Variants in MAN1C1 observed in about 807,000 individuals in gnomAD.
MAN1C1 encodes the protein mannosidase alpha class 1C member 1.
In MAN1C1, 49 loss-of-function variants were observed where a neutral mutation model predicts 71.5. That is an observed-to-expected ratio of 0.69 (90% confidence interval 0.54 to 0.87). The LOEUF (loss-of-function observed/expected upper bound fraction) is 0.87. Among genes scored for constraint, MAN1C1 ranks in the 40% least tolerant of loss-of-function variants. The pLI is 0.00. For synonymous variants in MAN1C1, 352 were observed against 343.7 expected (o/e 1.02, Z -0.27); for missense variants, 743 against 835.0 (o/e 0.89, Z 1.36).
At chr1:25,673,134 AGAG>A (rs750193403) in intron 1 of MAN1C1, among the ~76,000 whole-genome samples, 23 of 152,274 alleles carry the variant, frequency 1.5e-4, no homozygotes, top group Admixed American at 8.5e-4. Context: ...AGGAGACTTG[AGAG>A]GACTTGGTTT....
intron 1 of MAN1C1, among the ~76,000 whole-genome samples, chr1:25,660,307 A>G (rs1472522953): frequency 6.6e-6 from 1 of 151,770 alleles, no homozygotes; most frequent in African/African-American, 2.4e-5. Flanking sequence ...AGGCTGAAGC[A>G]GGAGAATCAC....
rs1482344042 is a variant in MAN1C1, at chr1:25,769,438, T to C, written c.1142-2219T>C. ...TGTAAAGCAGTGGGACTTTCACATGTGAGATGCCCACATAAGTGCCCCTGA... is the reference window on the plus strand; with the variant it reads ...TGTAAAGCAGTGGGACTTTCACATGCGAGATGCCCACATAAGTGCCCCTGA... On this transcript the variant is annotated intron_variant, in intron 7 of 11. Coordinates refer to ENST00000374332, the MANE Select transcript of MAN1C1 (RefSeq NM_020379.4). The surrounding 1 kb of genome is among the most constrained non-coding windows in gnomAD (Gnocchi z 4.8). Among the ~76,000 whole-genome samples the C allele has an allele frequency of 6.6e-6, 1 of 152,020 alleles. No individual in the cohort carries two copies. The highest frequency in any genetic ancestry group is 1.5e-5 in the Non-Finnish European group (1 of 67,992).
chr1:25,752,782 TG>T (rs2047233854), intron 4 of MAN1C1, among the ~76,000 whole-genome samples: 2 of 152,292 alleles, frequency 1.3e-5, no homozygotes, highest in Admixed American at 1.3e-4. Context: ...GTCCTGTGGG[TG>T]GTTGAGGATA....
At position 25,730,486 on chromosome 1, in the gene MAN1C1, C is replaced by T. The variant is rs1180948809; in HGVS notation, c.638-16182C>T. On this transcript the variant is annotated intron_variant, in intron 2 of 11. Coordinates refer to ENST00000374332, the MANE Select transcript of MAN1C1 (RefSeq NM_020379.4). The surrounding 1 kb of genome is among the most constrained non-coding windows in gnomAD (Gnocchi z 4.3). ...ATACTAGGGGCTTTAATTGTTCAGTCACATGAGGGTGGTGCCTCCTGAGTT... is the reference window on the plus strand; with the variant it reads ...ATACTAGGGGCTTTAATTGTTCAGTTACATGAGGGTGGTGCCTCCTGAGTT... Among the ~76,000 whole-genome samples, 1 of 151,942 alleles carries T rather than the reference C, an allele frequency of 6.6e-6. No individual in the cohort carries two copies. The highest frequency in any genetic ancestry group is 1.9e-4 in the East Asian group (1 of 5,184).
intron 1 of MAN1C1, among the ~76,000 whole-genome samples, chr1:25,681,782 T>C (rs1373328966): frequency 1.3e-5 from 2 of 152,210 alleles, no homozygotes; most frequent in African/African-American, 4.8e-5. Context: ...GATTTCAGCA[T>C]ATCCTGGCCA....
At chr1:25,745,348 A>G (rs74383523) in intron 2 of MAN1C1, among the ~76,000 whole-genome samples, 1,590 of 139,792 alleles carry the variant, frequency 0.011, 30 homozygotes, top group African/African-American at 0.04. Context: ...TTTTTTTTTT[A>G]ATGGAAATAA....
In MAN1C1 at chr1:25,711,694, T is replaced by G. The variant is rs1572167358; in HGVS notation, c.637+25158T>G. ...GCCCCTCCCCTGCGTGCTGCAAGCC[T>G]GCCCCGGGCCCCACTTCCTCCCCTC... is the stretch of plus-strand genomic sequence containing the variant. On this transcript the variant is annotated intron_variant, in intron 2 of 11. Transcript: ENST00000374332. The surrounding 1 kb of genome is among the most constrained non-coding windows in gnomAD (Gnocchi z 4.3). Among the ~76,000 whole-genome samples the G allele has an allele frequency of 9.3e-6, 1 of 107,958 alleles. No homozygotes were observed. The highest frequency in any genetic ancestry group is 3.6e-5 in the African/African-American group (1 of 27,850). 70.8% of individuals were successfully genotyped at this position (107,958 alleles called of 152,430 possible).
At chr1:25,709,002 C>A (rs531815720) in intron 2 of MAN1C1, among the ~76,000 whole-genome samples, 1 of 152,150 alleles carries the variant, frequency 6.6e-6, no homozygotes, top group Admixed American at 6.5e-5. Flanking sequence ...CCCCAGGGAC[C>A]GCAGGAATCC....
chr1:25,715,400 C>T (rs1362760453), intron 2 of MAN1C1, among the ~76,000 whole-genome samples: 1 of 152,078 alleles, frequency 6.6e-6, no homozygotes, highest in Non-Finnish European at 1.5e-5. Flanking sequence ...TTCAGGGACC[C>T]GTCAACTAGA....
intron 9 of MAN1C1, among the ~76,000 whole-genome samples, chr1:25,780,517 C>T (rs529359616): frequency 6.6e-6 from 1 of 152,310 alleles, no homozygotes; most frequent in Admixed American, 6.5e-5. Context: ...CTGATAAATC[C>T]TGCAGATGGG....
intron 2 of MAN1C1, among the ~76,000 whole-genome samples, chr1:25,710,344 T>G (rs1435042778): frequency 6.6e-6 from 1 of 152,272 alleles, no homozygotes; most frequent in African/African-American, 2.4e-5. Context: ...AAGCCTGGCC[T>G]GCCCAGGCAT....
chr1:25,663,179 T>C (rs1448309530), intron 1 of MAN1C1, among the ~76,000 whole-genome samples: 1 of 148,158 alleles, frequency 6.7e-6, no homozygotes, highest in Non-Finnish European at 1.5e-5. Context: ...TTATATATTA[T>C]TTTAAATATA....
intron 7 of MAN1C1, among the ~76,000 whole-genome samples, chr1:25,768,075 T>C (rs116352146): frequency 0.12 from 223 of 1,844 alleles, 27 homozygotes; most frequent in Non-Finnish European, 0.15. Flanking sequence ...ACACACACAC[T>C]CCCCCCCACA....
intron 2 of MAN1C1, among the ~76,000 whole-genome samples, chr1:25,736,821 C>T (rs1334459289): frequency 6.6e-6 from 1 of 152,228 alleles, no homozygotes; most frequent in Non-Finnish European, 1.5e-5. Context: ...GCCACTGCAC[C>T]CCGGCTCATT....
In MAN1C1 at chr1:25,758,624, G is replaced by A. The variant is rs777173299; in HGVS notation, c.962G>A (p.Ser321Asn). ...GNWGWATAGS[S>N]SILAEFGSLH... ...TGGGGCTGGGCCACAGCCGGCAGCAGCAGCATCTTGGCGGAGTTTGGATCC... is the reference window on the plus strand; with the variant it reads ...TGGGGCTGGGCCACAGCCGGCAGCAACAGCATCTTGGCGGAGTTTGGATCC... Residue 321 changes from serine to asparagine, a missense_variant, in exon 6 of 12, where the codon AGC (serine) becomes AAC (asparagine). Transcript: ENST00000374332. The A allele has an allele frequency of 1.9e-6, 3 of 1,614,096 alleles. No individual in the cohort carries two copies. The East Asian group carries it at 6.7e-5, about 36-fold the overall frequency.
At chr1:25,679,086 T>A (rs1256330626) in intron 1 of MAN1C1, among the ~76,000 whole-genome samples, 2 of 151,896 alleles carry the variant, frequency 1.3e-5, no homozygotes, top group Non-Finnish European at 2.9e-5. Context: ...TAAAATTACC[T>A]GAAAGGATTT....
intron 1 of MAN1C1, among the ~76,000 whole-genome samples, chr1:25,685,998 C>A (rs2046225463): frequency 6.6e-6 from 1 of 152,188 alleles, no homozygotes; most frequent in African/African-American, 2.4e-5. Flanking sequence ...GATGAGTTAC[C>A]TCATGTCTAC....
At chr1:25,737,643 C>T (rs1224507406) in intron 2 of MAN1C1, among the ~76,000 whole-genome samples, 2 of 152,174 alleles carry the variant, frequency 1.3e-5, no homozygotes, top group Non-Finnish European at 2.9e-5. Flanking sequence ...GATTCACAGG[C>T]ACCTATGCAG....
chr1:25,668,670 C>T (rs990133346), intron 1 of MAN1C1, among the ~76,000 whole-genome samples: 2 of 151,976 alleles, frequency 1.3e-5, no homozygotes, highest in African/African-American at 4.8e-5. Flanking sequence ...ATTCTCCTGC[C>T]TCAGCCTCCC....
Sources: allele counts gnomAD v4.1 joint callset (sites outside exome capture counted in the v4.1 genomes callset), GRCh38; gene constraint gnomAD v4.1.1; non-coding constraint Gnocchi (gnomAD v3.1); transcripts MANE v1.5; gene names NCBI Gene and HGNC (gene_info 2026-07-23, HGNC 2026-07-21).